Variants in HERC1 observed in about 807,000 individuals in gnomAD.
HERC1 encodes the protein HECT and RLD domain containing E3 ubiquitin protein ligase family member 1.
HERC1 carries 160 observed loss-of-function variants against 554.3 expected under a neutral mutation model. That is an observed-to-expected ratio of 0.29 (90% CI 0.25 to 0.33). The LOEUF (loss-of-function observed/expected upper bound fraction) is 0.33. Among genes scored for constraint, HERC1 ranks in the 10% least tolerant of loss-of-function variants. The probability of loss-of-function intolerance (pLI) is 1.00; values close to 1 mark genes in which losing one functional copy is unlikely to be tolerated. For synonymous variants in HERC1, 2,175 were observed against 2,131.7 expected (o/e 1.02, Z -0.56); for missense variants, 4,919 against 5,918.5 (o/e 0.83, Z 5.54).
chr15:63,783,126 T>TA (rs931237839), intron 1 of HERC1, among the ~76,000 whole-genome samples: 6 of 152,234 alleles, frequency 3.9e-5, no homozygotes, highest in African/African-American at 1.4e-4. Context: ...GTAGCAGAGT[T>TA]AGAGAGGACT....
intron 1 of HERC1, among the ~76,000 whole-genome samples, chr15:63,822,159 G>A (rs544605706): frequency 1.2e-4 from 19 of 152,262 alleles, no homozygotes; most frequent in South Asian, 2.1e-4. Flanking sequence ...TGCCTGGCCC[G>A]GTCAGGGAAT....
rs148634728 is a variant in HERC1, at chr15:63,666,659, T to A, written c.8207-187A>T. 4.7e-3 allele frequency among the ~76,000 whole-genome samples: 717 copies of A among 152,324 alleles called. 4 individuals carry two copies. Among genetic ancestry groups the A allele is most frequent in the African/African-American group, 0.016 (668 of 41,568 alleles). On this transcript the variant is annotated intron_variant, in intron 40 of 77. Transcript: ENST00000443617. ...GTTTTACTAACATCCATTTATGTTA[T>A]ACTTTGTAAAGATTTGTGTAGAGGT...
chr15:63,819,578 G>A (rs753106385), intron 1 of HERC1, among the ~76,000 whole-genome samples: 15 of 152,078 alleles, frequency 9.9e-5, no homozygotes, highest in Non-Finnish European at 1.9e-4. Context: ...ACCAATTACT[G>A]TTCTCTTCTA....
intron 77 of HERC1, among the ~76,000 whole-genome samples, chr15:63,611,795 A>AT (rs1256579619): frequency 2.6e-5 from 4 of 152,108 alleles, no homozygotes; most frequent in Non-Finnish European, 5.9e-5. Flanking sequence ...TTACTGCTTG[A>AT]TTTTTTTCAT....
At chr15:63,717,809 T>A (rs939153370) in intron 21 of HERC1, among the ~76,000 whole-genome samples, 1 of 152,004 alleles carries the variant, frequency 6.6e-6, no homozygotes, top group Non-Finnish European at 1.5e-5. Flanking sequence ...GTGGTGGAGG[T>A]TGCAGTGAGC....
intron 1 of HERC1, among the ~76,000 whole-genome samples, chr15:63,807,133 T>G (rs1372447263): frequency 1.3e-5 from 2 of 152,124 alleles, no homozygotes; most frequent in African/African-American, 4.8e-5. Context: ...CTTTATAAAT[T>G]TGCAATAATT....
chr15:63,634,641 G>A, intron 66 of HERC1, 92 bp downstream of exon 66: 1 of 1,005,458 alleles, frequency 9.9e-7, no homozygotes, highest in Non-Finnish European at 1.5e-6. Flanking sequence ...AGGTACAACT[G>A]GTGATCCTGA....
chr15:63,695,181 A>G (rs973110651), intron 27 of HERC1, among the ~76,000 whole-genome samples: 1 of 151,644 alleles, frequency 6.6e-6, no homozygotes, highest in African/African-American at 2.4e-5. Flanking sequence ...GACTACAGGC[A>G]CATACCACCA....
Position 63,690,544 on chromosome 15 carries a change from G to A in HERC1, c.5934C>T (p.Ala1978=), listed in dbSNP as rs756218742. 3.8e-6 allele frequency: 6 copies of A among 1,592,584 alleles called. No individual in the cohort carries two copies. The highest frequency in any genetic ancestry group is 4.3e-6 in the Non-Finnish European group (5 of 1,166,032). ...CESGVEDDQM[A]QIVERLFSLL... ...TAATAATTTTAAAAATAAAAACCTG[G>A]GCCATTTGATCATCTTCTACACCAG... is the stretch of plus-strand genomic sequence containing the variant. Residue 1978 remains alanine, a synonymous_variant, in exon 32 of 78, where the codon GCC becomes GCT. Coordinates refer to ENST00000443617, the MANE Select transcript of HERC1 (RefSeq NM_003922.4).
intron 4 of HERC1, among the ~76,000 whole-genome samples, chr15:63,757,033 T>A (rs1346290310): frequency 6.6e-6 from 1 of 152,072 alleles, no homozygotes; most frequent in Non-Finnish European, 1.5e-5. Context: ...AATATCCTCT[T>A]ATAACTGAGA....
intron 44 of HERC1, among the ~76,000 whole-genome samples, chr15:63,662,362 C>A (rs760135118): frequency 2.0e-5 from 3 of 152,010 alleles, no homozygotes; most frequent in Non-Finnish European, 2.9e-5. Context: ...CATCTGGTCA[C>A]AAAATGCATA....
rs1267935168 is a variant in HERC1, at chr15:63,805,203, A to G, written c.-27+28624T>C. Among the ~76,000 whole-genome samples the G allele has an allele frequency of 2.0e-5, 3 of 152,230 alleles. No homozygotes were observed. In the East Asian group the frequency reaches 5.8e-4, roughly 29 times the overall value. ...TCCATCATCTGATGAATGAATAGGT[A>G]CATCATAATATATGCATACAATGGC... On this transcript the variant is annotated intron_variant, in intron 1 of 77. Coordinates refer to ENST00000443617, the MANE Select transcript of HERC1 (RefSeq NM_003922.4).
chr15:63,622,468 G>A (rs745455881), intron 74 of HERC1, among the ~76,000 whole-genome samples: 5 of 151,868 alleles, frequency 3.3e-5, no homozygotes, highest in Non-Finnish European at 5.9e-5. Context: ...AAGTAGCTGG[G>A]ATTACAGGCA....
At position 63,636,980 on chromosome 15, in the gene HERC1, G is replaced by A. The variant is rs2068808895; in HGVS notation, c.12232+525C>T. 8.2e-6 allele frequency: 3 copies of A among 366,760 alleles called. No homozygotes were observed. The East Asian group carries it at 2.2e-4, about 27-fold the overall frequency. The allele number at this position is 366,760 out of a possible 1,614,324, so 22.7% of individuals were successfully genotyped here. On this transcript the variant is annotated intron_variant, in intron 64 of 77. Coordinates refer to ENST00000443617, the MANE Select transcript of HERC1 (RefSeq NM_003922.4). ...GTTTTGAACTCATAGTTACTTGTAT[G>A]CTTTTACCTAAAAAAACCGTCGGTG...
At chr15:63,622,666 A>G in intron 74 of HERC1, 149 bp downstream of exon 74, 2 of 515,732 alleles carry the variant, frequency 3.9e-6, no homozygotes, top group African/African-American at 2.0e-5. Flanking sequence ...GATAACAACA[A>G]TATTTACTCC....
At chr15:63,808,508 A>G (rs2077199923) in intron 1 of HERC1, among the ~76,000 whole-genome samples, 1 of 152,092 alleles carries the variant, frequency 6.6e-6, no homozygotes, top group Non-Finnish European at 1.5e-5. Flanking sequence ...CTGGTCTCAA[A>G]CTCCTGGCCT....
In HERC1 at chr15:63,622,797, A is replaced by T. The variant is rs967683698; in HGVS notation, c.13688+18T>A. On this transcript the variant is annotated intron_variant, in intron 74 of 77. Coordinates refer to ENST00000443617, the MANE Select transcript of HERC1 (RefSeq NM_003922.4). ...TTATTATTTTAGACATATAATGAACACTTGCTGACTGCCATACCTGTCCCT... is the reference window on the plus strand; with the variant it reads ...TTATTATTTTAGACATATAATGAACTCTTGCTGACTGCCATACCTGTCCCT... 6.4e-7 allele frequency: 1 copy of T among 1,565,282 alleles called. No individual in the cohort carries two copies.
chr15:63,703,971 T>C (rs2072868816), intron 25 of HERC1, among the ~76,000 whole-genome samples: 1 of 151,718 alleles, frequency 6.6e-6, no homozygotes, highest in South Asian at 2.1e-4. Context: ...GGACATTTGT[T>C]TGTCCTTCAT....
At chr15:63,742,720 A>G (rs1216290388) in intron 12 of HERC1, among the ~76,000 whole-genome samples, 4 of 152,126 alleles carry the variant, frequency 2.6e-5, no homozygotes, top group Non-Finnish European at 5.9e-5. Context: ...CATCCAGATA[A>G]TCACATTGTT....
Sources: allele counts gnomAD v4.1 joint callset (sites outside exome capture counted in the v4.1 genomes callset), GRCh38; gene constraint gnomAD v4.1.1; transcripts MANE v1.5; gene names NCBI Gene and HGNC (gene_info 2026-07-23, HGNC 2026-07-21).